ANKRD36: variants seen among roughly 807,000 people sequenced by gnomAD.
The protein encoded by ANKRD36 is ankyrin repeat domain-containing protein 36A.
Under a neutral mutation model 278.1 loss-of-function variants are expected in ANKRD36, and 179 were observed. The ratio of observed to expected loss-of-function variants is 0.64; its 90% CI spans 0.57 to 0.73. The LOEUF (loss-of-function observed/expected upper bound fraction) is 0.73. Among genes scored for constraint, ANKRD36 ranks in the 30% least tolerant of loss-of-function variants. The pLI, the probability that ANKRD36 is intolerant of heterozygous loss-of-function variation, is 0.00. For synonymous variants in ANKRD36, 320 were observed against 641.1 expected (o/e 0.50, Z 7.57); for missense variants, 1,159 against 1,956.7 (o/e 0.59, Z 7.69).
rs368506104 is a variant in ANKRD36 at position 97,172,831 on chromosome 2, A to ATGTGTGTGTGTGTG, written c.1633+5078_1633+5091dup. Among the ~76,000 whole-genome samples the ATGTGTGTGTGTGTG allele has an allele frequency of 5.6e-4, 82 of 146,486 alleles. 1 individual carries two copies. The highest frequency in any genetic ancestry group is 2.0e-3 in the African/African-American group (79 of 39,492). On this transcript the variant is annotated intron_variant, in intron 22 of 75. Coordinates refer to ENST00000420699, the MANE Select transcript of ANKRD36 (RefSeq NM_001354587.1). ...ATATTGCTCTGGTTTTTGTGTGTGA[A>ATGTGTGTGTGTGTG]TGTGTGTGTGTGTGTGTGTGTGTGT...
At chr2:97,222,933 A>C (rs1398293159) in intron 66 of ANKRD36, among the ~76,000 whole-genome samples, 2 of 152,070 alleles carry the variant, frequency 1.3e-5, no homozygotes, top group Admixed American at 6.6e-5. Flanking sequence ...AAATCAAACT[A>C]ATTTTAGAAA....
chr2:97,140,998 C>T (rs981388807), intron 6 of ANKRD36, among the ~76,000 whole-genome samples: 1 of 151,582 alleles, frequency 6.6e-6, no homozygotes, highest in African/African-American at 2.4e-5. Flanking sequence ...TTTTGCACAT[C>T]AATGATATGT....
intron 6 of ANKRD36, among the ~76,000 whole-genome samples, chr2:97,130,787 C>A (rs1429497158): frequency 2.0e-5 from 3 of 151,922 alleles, no homozygotes; most frequent in Admixed American, 1.3e-4. Flanking sequence ...TTTAATTTCA[C>A]CCCTAAAGAA....
In ANKRD36 at chr2:97,113,874, A is replaced by G. The variant is rs535959388; in HGVS notation, c.135A>G (p.Leu45=). 556 of 1,599,730 alleles carry G rather than the reference A, an allele frequency of 3.5e-4. 4 individuals are homozygous for G. In the African/African-American group the frequency reaches 5.1e-3, roughly 15 times the overall value. The part of the protein sequence containing the change: ...RIHRAVLHGN[L]EKLKYLLLTY... ...ACAGAGCTGTCTTACATGGTAATCT[A>G]GAGAAACTGAAGTACCTTCTGCTCA... Residue 45 remains leucine (L), a synonymous_variant, in exon 1 of 76, where the codon CTA becomes CTG. Coordinates refer to ENST00000420699, the MANE Select transcript of ANKRD36 (RefSeq NM_001354587.1).
chr2:97,206,340 C>G (rs1394699926), intron 52 of ANKRD36, among the ~76,000 whole-genome samples: 2 of 151,348 alleles, frequency 1.3e-5, no homozygotes, highest in African/African-American at 4.8e-5. Flanking sequence ...CACTTCCCCA[C>G]GTTGAAGTTG....
rs141198389 is a variant in ANKRD36, at chr2:97,122,373, G to T, written c.487-514G>T. ...CATTTTTCAAACATGGGTGATCATG[G>T]AGTCTCTCTTTTGGGGTATAATGTT... On this transcript the variant is annotated intron_variant, in intron 3 of 75. Coordinates refer to ENST00000420699, the MANE Select transcript of ANKRD36 (RefSeq NM_001354587.1). Among the ~76,000 whole-genome samples, 988 of 150,376 alleles carry T rather than the reference G, an allele frequency of 6.6e-3. 52 individuals are homozygous for T. The East Asian group carries it at 0.11, about 16-fold the overall frequency.
At position 97,216,924 on chromosome 2, in the gene ANKRD36, C is replaced by T. The variant is rs57831494; in HGVS notation, c.3674-253C>T. 2.5e-3 allele frequency: 2,323 copies of T among 911,510 alleles called. 3 individuals are homozygous for T. The East Asian group carries it at 0.06, about 23-fold the overall frequency. The allele number at this position is 911,510 out of a possible 1,614,324, so 56.5% of individuals were successfully genotyped here. A position where few individuals can be genotyped will look rare whatever the true frequency, so the allele number is the denominator to read the frequency against. ...CAGCATATCCACGTTGATATTGACA[C>T]GGTTTTATTTTAGTTTTAGACATAT... is the stretch of plus-strand genomic sequence containing the variant. On this transcript the variant is annotated intron_variant, in intron 62 of 75. Transcript: ENST00000420699.
At chr2:97,217,477 T>G in intron 64 of ANKRD36, 105 bp downstream of exon 64, 1 of 1,495,708 alleles carries the variant, frequency 6.7e-7, no homozygotes, top group South Asian at 1.3e-5. Flanking sequence ...CACTTTCTGA[T>G]TCAGCAGGCC....
intron 1 of ANKRD36, 116 bp downstream of exon 1, chr2:97,114,052 G>C (rs1024055529): frequency 2.0e-6 from 3 of 1,479,256 alleles, no homozygotes; most frequent in African/African-American, 2.9e-5. Context: ...TTGGACGGGG[G>C]CTAGGGGGTG....
Position 97,207,858 on chromosome 2 carries a change from A to T in ANKRD36, c.3192+19A>T, listed in dbSNP as rs1489291448. 4 of 1,545,954 alleles carry T rather than the reference A, an allele frequency of 2.6e-6. No individual in the cohort carries two copies. The highest frequency in any genetic ancestry group is 2.3e-4 in the Middle Eastern group (1 of 4,348). ...CTTGAAGGTAATGAAACTGTCATTTATATTGTGAACTAGTAAATGTATAGT... is the reference window on the plus strand; with the variant it reads ...CTTGAAGGTAATGAAACTGTCATTTTTATTGTGAACTAGTAAATGTATAGT... On this transcript the variant is annotated intron_variant, in intron 53 of 75. Transcript: ENST00000420699.
At chr2:97,132,406 C>T (rs2040411334) in intron 6 of ANKRD36, among the ~76,000 whole-genome samples, 1 of 150,712 alleles carries the variant, frequency 6.6e-6, no homozygotes, top group African/African-American at 2.4e-5. Context: ...TTTAATCATC[C>T]ATATTCTCAA....
chr2:97,229,068 A>G (rs372725911), intron 67 of ANKRD36, among the ~76,000 whole-genome samples: 1,313 of 151,656 alleles, frequency 8.7e-3, no homozygotes, highest in East Asian at 0.057. Flanking sequence ...TATGTGGTCA[A>G]TTTTGGAATA....
At chr2:97,198,004 G>C (rs886396734) in intron 42 of ANKRD36, among the ~76,000 whole-genome samples, 3 of 151,878 alleles carry the variant, frequency 2.0e-5, no homozygotes, top group Admixed American at 2.0e-4. Flanking sequence ...CATCGTAATT[G>C]TGTGCCTTCT....
At chr2:97,182,026 A>G (rs1368251865) in intron 26 of ANKRD36, among the ~76,000 whole-genome samples, 8 of 151,446 alleles carry the variant, frequency 5.3e-5, no homozygotes, top group African/African-American at 1.9e-4. Context: ...GAGAGCCATT[A>G]AAGACATAAG....
At chr2:97,122,822 A>G (rs2037266604) in intron 3 of ANKRD36, 65 bp from the exon 4 acceptor site, 1 of 1,425,028 alleles carries the variant, frequency 7.0e-7, no homozygotes, top group African/African-American at 1.4e-5. Flanking sequence ...TACTTACATA[A>G]GGTTTTCAGT....
At position 97,113,454 on chromosome 2, in the gene ANKRD36, C is replaced by G. The variant is rs191678423; in HGVS notation, c.-286C>G. 0.073 allele frequency: 34,839 copies of G among 476,454 alleles called. 1,692 individuals carry two copies. The highest frequency in any genetic ancestry group is 0.16 in the Middle Eastern group (283 of 1,804). 29.5% of individuals were successfully genotyped at this position (476,454 alleles called of 1,614,324 possible). Reference sequence around the variant, plus strand: ...GGCGCGCCTCGCGCTCCAGGGAGCCCCGCCCTCCCGCGGCACCTCCGCAGC... The same window carrying G: ...GGCGCGCCTCGCGCTCCAGGGAGCCGCGCCCTCCCGCGGCACCTCCGCAGC... On this transcript the variant is annotated 5_prime_UTR_variant, in exon 1 of 76. Coordinates refer to ENST00000420699, the MANE Select transcript of ANKRD36 (RefSeq NM_001354587.1).
intron 34 of ANKRD36, among the ~76,000 whole-genome samples, chr2:97,189,677 G>A (rs4907269): frequency 1 from 80,166 of 80,168 alleles, 40,082 homozygotes; most frequent in Non-Finnish European, 1. Context: ...AAAAGACAGA[G>A]AACTGATAGT....
intron 58 of ANKRD36, among the ~76,000 whole-genome samples, chr2:97,211,976 A>C (rs543762083): frequency 1.3e-5 from 2 of 151,892 alleles, no homozygotes; most frequent in African/African-American, 2.4e-5. Flanking sequence ...ACCATCTGAC[A>C]GCAATTCAAC....
intron 50 of ANKRD36, among the ~76,000 whole-genome samples, chr2:97,204,951 G>T (rs977650842): frequency 3.2e-4 from 48 of 151,514 alleles, no homozygotes; most frequent in Admixed American, 3.0e-3. Context: ...AGATACACGT[G>T]TTGTTGATTT....
Sources: gnomAD v4.1 joint callset for allele counts (sites outside exome capture counted in the v4.1 genomes callset) on GRCh38, gnomAD v4.1.1 for gene constraint, MANE v1.5 for transcripts, NCBI Gene and HGNC (gene_info 2026-07-23, HGNC 2026-07-21) for gene names.